Variants in STK35 observed in about 807,000 individuals in gnomAD.
STK35 encodes serine/threonine-protein kinase 35.
STK35 carries 17 observed loss-of-function variants against 37.3 expected under a neutral mutation model. The observed-to-expected ratio is 0.46, with a 90% CI of 0.31 to 0.68. The LOEUF (loss-of-function observed/expected upper bound fraction) is 0.68. Ranked by LOEUF, STK35 falls within the 30% of genes least tolerant of loss-of-function variation. The pLI, the probability that STK35 is intolerant of heterozygous loss-of-function variation, is 0.05. For synonymous variants in STK35, 385 were observed against 319.1 expected (o/e 1.21, Z -2.20); for missense variants, 595 against 746.7 (o/e 0.80, Z 2.37).
At chr20:2,113,883 A>G (rs764229509) in intron 2 of STK35, among the ~76,000 whole-genome samples, 8 of 152,220 alleles carry the variant, frequency 5.3e-5, no homozygotes, top group Non-Finnish European at 1.0e-4. Flanking sequence ...ACTGAGGCTC[A>G]GAGAGCTTCA....
chr20:2,136,264 C>T (rs568675172), intron 3 of STK35, among the ~76,000 whole-genome samples: 8 of 152,198 alleles, frequency 5.3e-5, no homozygotes, highest in Non-Finnish European at 1.0e-4. Flanking sequence ...GCAGAGAGAG[C>T]TGAAATCGAG....
chr20:2,105,120 G>A (rs1407761181), intron 2 of STK35, among the ~76,000 whole-genome samples: 1 of 150,248 alleles, frequency 6.7e-6, no homozygotes, highest in African/African-American at 2.5e-5. Flanking sequence ...TCATGCAATG[G>A]CACTATAACC....
intron 3 of STK35, among the ~76,000 whole-genome samples, chr20:2,127,348 G>C (rs980095615): frequency 6.6e-6 from 1 of 151,944 alleles, no homozygotes; most frequent in East Asian, 1.9e-4. Context: ...ATGGAGTTGG[G>C]AGTATAGTGT....
chr20:2,132,845 A>T (rs1986023403), intron 3 of STK35, among the ~76,000 whole-genome samples: 1 of 152,158 alleles, frequency 6.6e-6, no homozygotes, highest in South Asian at 2.1e-4. Context: ...CAAGTGATCT[A>T]CCTTCTCTGG....
At position 2,144,830 on chromosome 20, in the gene STK35, TCA is replaced by T. The variant is rs1241353125; in HGVS notation, c.*1087_*1088del. 1 of 152,830 alleles carries T rather than the reference TCA, an allele frequency of 6.5e-6. No homozygotes were observed. Among genetic ancestry groups the T allele is most frequent in the East Asian group, 1.9e-4 (1 of 5,184 alleles). The allele number at this position is 152,830 out of a possible 1,614,324, so 9.5% of individuals were successfully genotyped here. A position where few individuals can be genotyped will look rare whatever the true frequency, so the allele number is the denominator to read the frequency against. On this transcript the variant is annotated 3_prime_UTR_variant, in exon 4 of 4. Transcript: ENST00000381482. ...TGAACTGGCTGCCGTTGTCGTGTTC[TCA>T]CAGTGAAGGGCGTGCCCTGTGTGCC...
intron 1 of STK35, among the ~76,000 whole-genome samples, 162 bp downstream of exon 1, chr20:2,102,337 G>T (rs910824104): frequency 1.2e-4 from 18 of 152,198 alleles, no homozygotes; most frequent in Admixed American, 3.3e-4. Flanking sequence ...GACTTGGGTC[G>T]GTCCGCTGGG....
At chr20:2,135,817 T>A (rs746040827) in intron 3 of STK35, among the ~76,000 whole-genome samples, 4 of 152,148 alleles carry the variant, frequency 2.6e-5, no homozygotes, top group Non-Finnish European at 5.9e-5. Flanking sequence ...ACTGCTGCGC[T>A]CCAGCTTGGG....
chr20:2,120,949 T>C (rs1600608438), intron 3 of STK35, among the ~76,000 whole-genome samples: 1 of 151,788 alleles, frequency 6.6e-6, no homozygotes, highest in South Asian at 2.1e-4. Context: ...TCAGAGTGGG[T>C]CTCCCAGAGA....
Position 2,102,787 on chromosome 20 carries a change from C to A in STK35, c.314C>A (p.Ala105Asp). Residue 105 changes from alanine (A) to aspartate (D), a missense_variant, in exon 2 of 4, where the codon GCT (alanine) becomes GAT (aspartate). This residue lies in a region of STK35 where 389 missense variants were observed against 320.0 expected (regional missense o/e 1.22). Coordinates refer to ENST00000381482, the MANE Select transcript of STK35 (RefSeq NM_080836.4). ...CCGCAGGTCACAATCCAAGGTCCGG[C>A]TCCTCCGCGTCCCAGGGCCGGACGG... Reference protein sequence around the residue: ...CAGQVTIQGPAPPRPRAGRRD... With the variant: ...CAGQVTIQGPDPPRPRAGRRD... 6.8e-7 allele frequency: 1 copy of A among 1,473,716 alleles called. No homozygotes were observed. Among genetic ancestry groups the A allele is most frequent in the Non-Finnish European group, 9.0e-7 (1 of 1,113,278 alleles). The allele number at this position is 1,473,716 out of a possible 1,614,324, so 91.3% of individuals were successfully genotyped here.
intron 2 of STK35, among the ~76,000 whole-genome samples, chr20:2,111,010 C>A (rs1243102527): frequency 6.6e-6 from 1 of 152,192 alleles, no homozygotes; most frequent in Admixed American, 6.5e-5. Context: ...ATAGCAGTTT[C>A]GAGTAACCAG....
chr20:2,113,394 A>C (rs917757201), intron 2 of STK35, among the ~76,000 whole-genome samples: 2 of 152,186 alleles, frequency 1.3e-5, no homozygotes, highest in Admixed American at 1.3e-4. Context: ...CAGAAGAGGG[A>C]AGTTACTGGG....
intron 2 of STK35, among the ~76,000 whole-genome samples, chr20:2,110,051 TTA>T (rs1431422959): frequency 6.6e-6 from 1 of 152,248 alleles, no homozygotes; most frequent in Non-Finnish European, 1.5e-5. Context: ...CCCAGCCTCT[TTA>T]TAATGACATA....
In STK35 at chr20:2,102,862, C is replaced by T. The variant is rs1406934568; in HGVS notation, c.389C>T (p.Pro130Leu). The T allele has an allele frequency of 2.6e-6, 4 of 1,556,418 alleles. No individual in the cohort carries two copies. The highest frequency in any genetic ancestry group is 1.8e-5 in the Admixed American group (1 of 54,530). ...ARAAPLLLPP[P>L]PAAMETGKDG... Reference sequence around the variant, plus strand: ...GCAGCGCCGTTGCTGCTCCCCCCGCCGCCCGCAGCCATGGAAACGGGGAAG... The same window carrying T: ...GCAGCGCCGTTGCTGCTCCCCCCGCTGCCCGCAGCCATGGAAACGGGGAAG... Residue 130 changes from proline (P) to leucine (L), a missense_variant, in exon 2 of 4, where the codon CCG becomes CTG. Pro to Leu is a moderately conservative substitution (Grantham distance 98, BLOSUM62 -3). Transcript: ENST00000381482.
chr20:2,111,636 G>A (rs1985621032), intron 2 of STK35, among the ~76,000 whole-genome samples: 1 of 152,224 alleles, frequency 6.6e-6, no homozygotes, highest in Non-Finnish European at 1.5e-5. Flanking sequence ...CCAGAAGGTA[G>A]AGGCAGCAGT....
chr20:2,102,224 C>T (rs1348090076), intron 1 of STK35, 49 bp downstream of exon 1: 19 of 1,368,498 alleles, frequency 1.4e-5, no homozygotes, highest in South Asian at 3.3e-5. Flanking sequence ...GCTGGAGTTA[C>T]TGCCACTGCC....
chr20:2,109,087 C>T (rs1285020279), intron 2 of STK35, among the ~76,000 whole-genome samples: 1 of 152,184 alleles, frequency 6.6e-6, no homozygotes, highest in Non-Finnish European at 1.5e-5. Flanking sequence ...GTGGGGAACC[C>T]AGAGACTTGA....
At chr20:2,133,472 T>G (rs1439417312) in intron 3 of STK35, among the ~76,000 whole-genome samples, 1 of 152,246 alleles carries the variant, frequency 6.6e-6, no homozygotes, top group Non-Finnish European at 1.5e-5. Context: ...CCTGGGCTGT[T>G]TCTAGAGACA....
intron 3 of STK35, among the ~76,000 whole-genome samples, chr20:2,122,912 A>G (rs765425014): frequency 2.6e-5 from 4 of 152,170 alleles, no homozygotes; most frequent in Non-Finnish European, 4.4e-5. Flanking sequence ...AAGTATATCT[A>G]TTTTTAAAGA....
At chr20:2,122,444 T>G (rs977534064) in intron 3 of STK35, among the ~76,000 whole-genome samples, 1 of 152,092 alleles carries the variant, frequency 6.6e-6, no homozygotes, top group African/African-American at 2.4e-5. Context: ...CGCATTTAAG[T>G]CAGGACTAAC....
Sources: allele counts gnomAD v4.1 joint callset (sites outside exome capture counted in the v4.1 genomes callset), GRCh38; gene constraint gnomAD v4.1.1; regional missense constraint gnomAD v4.1.1; transcripts MANE v1.5; gene names NCBI Gene and HGNC (gene_info 2026-07-23, HGNC 2026-07-21).